NFE2L1: variants seen among roughly 807,000 people sequenced by gnomAD.
The protein encoded by NFE2L1 is NFE2 like bZIP transcription factor 1.
Under a neutral mutation model 61.6 loss-of-function variants are expected in NFE2L1, and 18 were observed. That is an observed-to-expected ratio of 0.29 (90% CI 0.20 to 0.43). The LOEUF is 0.43. NFE2L1 is among the 20% of genes least tolerant of loss of function. The probability of loss-of-function intolerance (pLI) is 1.00; values close to 1 mark genes in which losing one functional copy is unlikely to be tolerated. For synonymous variants in NFE2L1, 419 were observed against 402.7 expected (o/e 1.04, Z -0.48); for missense variants, 827 against 973.5 (o/e 0.85, Z 2.00).
Position 48,051,031 on chromosome 17 carries a change from G to T in NFE2L1, c.-88G>T. On this transcript the variant is annotated 5_prime_UTR_variant, in exon 2 of 6. Transcript: ENST00000362042. ...GGTTTGACACTGAGGAGGGTAACCT[G>T]CTGGCTGGAGCGGCAGAGCAGTGGC... The T allele has an allele frequency of 1.9e-6, 3 of 1,543,376 alleles. No individual in the cohort carries two copies. The highest frequency in any genetic ancestry group is 2.7e-6 in the Non-Finnish European group (3 of 1,127,886).
At chr17:48,053,592 AG>A (rs1013978378) in intron 2 of NFE2L1, among the ~76,000 whole-genome samples, 2 of 152,198 alleles carry the variant, frequency 1.3e-5, no homozygotes, top group Non-Finnish European at 2.9e-5. Flanking sequence ...TGCCCAGAGC[AG>A]GGGGGTGGCC....
Position 48,059,614 on chromosome 17 carries a change from G to C in NFE2L1, c.2292G>C (p.Glu764Asp). ...CCGACCAGCAGGCCCGGCGGCAGGA[G>C]AGGAAGCCAAAGGACCGGAGAAAGT... ...TMADQQARRQ[E>D]RKPKDRRK The change falls in exon 6 of 6, where the codon GAG (glutamate) becomes GAC (aspartate). Residue 764 changes from glutamate (E) to aspartate (D), a missense_variant. By Grantham distance (45) the Glu-to-Asp change is conservative (BLOSUM62 2). This residue lies in a region of NFE2L1 where 86 missense variants were observed against 97.3 expected (regional missense o/e 0.88). Transcript: ENST00000362042. This position sits in a 1 kb window ranked among gnomAD's most constrained non-coding sequence, Gnocchi z 6.1. 6.4e-7 allele frequency: 1 copy of C among 1,572,240 alleles called. No homozygotes were observed. The highest frequency in any genetic ancestry group is 8.6e-7 in the Non-Finnish European group (1 of 1,157,940).
chr17:48,054,984 C>T (rs972663277), intron 2 of NFE2L1: 7 of 1,493,550 alleles, frequency 4.7e-6, no homozygotes, highest in South Asian at 1.2e-5. Context: ...TCCGGCTTCC[C>T]GGCACCGGCT....
intron 1 of NFE2L1, among the ~76,000 whole-genome samples, chr17:48,049,960 G>A (rs1401859674): frequency 6.6e-6 from 1 of 152,248 alleles, no homozygotes; most frequent in Non-Finnish European, 1.5e-5. Flanking sequence ...TGCGCCTGTA[G>A]TGGGGGAGGA....
At chr17:48,055,273 C>G (rs1321552381) in intron 2 of NFE2L1, 4 of 1,144,358 alleles carry the variant, frequency 3.5e-6, no homozygotes, top group African/African-American at 3.2e-5. Context: ...AAATTGCTTT[C>G]TGGAAAGTGT....
chr17:48,054,113 C>G (rs2037325295), intron 2 of NFE2L1, among the ~76,000 whole-genome samples: 1 of 152,200 alleles, frequency 6.6e-6, no homozygotes, highest in African/African-American at 2.4e-5. Flanking sequence ...CCACTGCCTT[C>G]CTGAGGAATG....
intron 1 of NFE2L1, 126 bp downstream of exon 1, chr17:48,048,588 C>T (rs896985154): frequency 6.6e-6 from 1 of 152,580 alleles, no homozygotes; most frequent in Non-Finnish European, 1.5e-5. Flanking sequence ...CCGCCAGAGC[C>T]CGGCCCTGGG....
rs2037523784 is a variant in NFE2L1, at chr17:48,060,283, T to C, written c.*642T>C. 6.6e-6 allele frequency: 1 copy of C among 152,664 alleles called. No individual in the cohort carries two copies. Among genetic ancestry groups the C allele is most frequent in the South Asian group, 2.1e-4 (1 of 4,836 alleles). The allele number at this position is 152,664 out of a possible 1,614,324, so 9.5% of individuals were successfully genotyped here. The stretch of plus-strand genomic sequence containing the variant: ...ATCCCTGAAGGGGAGCTCTTGGATA[T>C]CATTGGCCATGTTTCAATCGAATGG... On this transcript the variant is annotated 3_prime_UTR_variant, in exon 6 of 6. Transcript: ENST00000362042.
rs761297969 is a variant in NFE2L1, at chr17:48,058,381, C to A, written c.1059C>A (p.Pro353=). ...TGAGCACCAACTACAGCCTTGCCCCCAACACTCCCATCAATCAGAATGTCA... is the reference window on the plus strand; with the variant it reads ...TGAGCACCAACTACAGCCTTGCCCCAAACACTCCCATCAATCAGAATGTCA... ...DPLSTNYSLA[P]NTPINQNVSL... Residue 353 remains proline, a synonymous_variant, in exon 6 of 6, where the codon CCC becomes CCA. Transcript: ENST00000362042. 2 of 1,614,044 alleles carry A rather than the reference C, an allele frequency of 1.2e-6. No homozygotes were observed. The highest frequency in any genetic ancestry group is 2.2e-5 in the South Asian group (2 of 91,084).
intron 3 of NFE2L1, among the ~76,000 whole-genome samples, 172 bp downstream of exon 3, chr17:48,056,770 G>A (rs181392148): frequency 2.0e-5 from 3 of 152,320 alleles, no homozygotes; most frequent in East Asian, 3.9e-4. Flanking sequence ...GCCTTGGAAG[G>A]GGGGAGTGGA....
Position 48,050,943 on chromosome 17 carries a change from G to T in NFE2L1, c.-176G>T. 1.4e-6 allele frequency: 1 copy of T among 700,470 alleles called. No homozygotes were observed. Among genetic ancestry groups the T allele is most frequent in the South Asian group, 1.8e-5 (1 of 56,226 alleles). 43.4% of individuals were successfully genotyped at this position (700,470 alleles called of 1,614,324 possible). A position where few individuals can be genotyped will look rare whatever the true frequency, so the allele number is the denominator to read the frequency against. Reference sequence around the variant, plus strand: ...GTGTCCTTGGCCTTGGCTCCACAGGGTGTGCTTTCCTCTGGGGCCGTCAGG... The same window carrying T: ...GTGTCCTTGGCCTTGGCTCCACAGGTTGTGCTTTCCTCTGGGGCCGTCAGG... On this transcript the variant is annotated 5_prime_UTR_variant, in exon 2 of 6. Transcript: ENST00000362042.
At chr17:48,054,643 C>A in intron 2 of NFE2L1, 1 of 1,147,024 alleles carries the variant, frequency 8.7e-7, no homozygotes, top group Non-Finnish European at 1.1e-6. Flanking sequence ...GCCTAGGTAA[C>A]AAGTTTGGGG....
At position 48,058,332 on chromosome 17, in the gene NFE2L1, A is replaced by G; in HGVS notation, c.1010A>G (p.Tyr337Cys). Residue 337 changes from tyrosine (Y) to cysteine (C), a missense_variant, in exon 6 of 6, where the codon TAC becomes TGC. Physicochemically the swap from Tyr to Cys is radical, Grantham distance 194. Around this residue, in one of 3 missense-constraint regions of NFE2L1, gnomAD observed 667 missense variants for 748.4 expected, o/e 0.89. Coordinates refer to ENST00000362042, the MANE Select transcript of NFE2L1 (RefSeq NM_003204.3). ...EVNTSASEIL[Y>C]SAPPGDPLST... is the part of the protein sequence containing the mutation. ...AACACATCAGCAAGTGAAATCCTGTACAGTGCCCCTCCTGGAGACCCACTG... is the reference window on the plus strand; with the variant it reads ...AACACATCAGCAAGTGAAATCCTGTGCAGTGCCCCTCCTGGAGACCCACTG... 2 of 1,610,512 alleles carry G rather than the reference A, an allele frequency of 1.2e-6. No individual in the cohort carries two copies. The highest frequency in any genetic ancestry group is 8.5e-7 in the Non-Finnish European group (1 of 1,177,848).
chr17:48,050,393 C>T (rs2037219244), intron 1 of NFE2L1, among the ~76,000 whole-genome samples: 2 of 151,994 alleles, frequency 1.3e-5, no homozygotes, highest in African/African-American at 2.4e-5. Context: ...GCAGGAGAAT[C>T]GCTTGAATGC....
intron 2 of NFE2L1, chr17:48,054,953 A>C (rs2037356371): frequency 6.9e-7 from 1 of 1,453,876 alleles, no homozygotes; most frequent in Non-Finnish European, 9.0e-7. Context: ...CTGAAAGCCA[A>C]GAGCTCCTTG....
rs1402007055 is a variant in NFE2L1 at position 48,051,217 on chromosome 17, C to T, written c.99C>T (p.Thr33=). The change falls in exon 2 of 6, where the codon ACC becomes ACT. Residue 33 remains threonine (T), a synonymous_variant. Transcript: ENST00000362042. ...GVRVDVDTYL[T]SQLPPLREII... ...GGGTGGACGTGGATACTTACCTGAC[C>T]TCACAGCTTCCCCCACTCCGGGAGA... The T allele has an allele frequency of 6.2e-7, 1 of 1,614,202 alleles. No homozygotes were observed. Among genetic ancestry groups the T allele is most frequent in the Admixed American group, 1.7e-5 (1 of 60,036 alleles).
intron 3 of NFE2L1, 151 bp from the exon 4 acceptor site, chr17:48,056,881 T>C (rs2037415461): frequency 1.3e-6 from 1 of 760,348 alleles, no homozygotes; most frequent in East Asian, 2.7e-5. Flanking sequence ...TTCACTCTCT[T>C]CTGTTGTTTC....
chr17:48,053,769 G>T lies in NFE2L1; in HGVS notation c.510+2141G>T, dbSNP rs1049683062. ...AATTGTGATACTGAGTCTGTGAGGG[G>T]CTTCTTTCCTGCTTGGATGAGATAT... On this transcript the variant is annotated intron_variant, in intron 2 of 5. Transcript: ENST00000362042. Among the ~76,000 whole-genome samples, 11 of 152,158 alleles carry T rather than the reference G, an allele frequency of 7.2e-5. 1 individual carries two copies. The highest frequency in any genetic ancestry group is 1.3e-4 in the Non-Finnish European group (9 of 68,018).
rs775108100 is a variant in NFE2L1, at chr17:48,056,607, GCCC to G, written c.723+11_723+13del. On this transcript the variant is annotated intron_variant, in intron 3 of 5. Transcript: ENST00000362042. The stretch of plus-strand genomic sequence containing the variant: ...AGAGCTTCCCTGCACAGGTACCATC[GCCC>G]CTGCTCACTGGGCTCTCTTCTTGTC... The G allele has an allele frequency of 1.2e-6, 2 of 1,611,940 alleles. No homozygotes were observed. The highest frequency in any genetic ancestry group is 4.5e-5 in the East Asian group (2 of 44,870).
Sources: allele counts gnomAD v4.1 joint callset (sites outside exome capture counted in the v4.1 genomes callset), GRCh38; gene constraint gnomAD v4.1.1; regional missense constraint gnomAD v4.1.1; non-coding constraint Gnocchi (gnomAD v3.1); transcripts MANE v1.5; gene names NCBI Gene and HGNC (gene_info 2026-07-23, HGNC 2026-07-21).